Variants in MAP3K13 observed in about 807,000 individuals in gnomAD.
MAP3K13 encodes the protein leucine zipper-bearing kinase.
MAP3K13 carries 52 observed loss-of-function variants against 104.0 expected under a neutral mutation model. That is an observed-to-expected ratio of 0.50 (90% CI 0.40 to 0.63). The LOEUF (loss-of-function observed/expected upper bound fraction) is 0.63. Ranked by LOEUF, MAP3K13 falls within the 20% of genes least tolerant of loss-of-function variation. MAP3K13 has a pLI of 0.00. For missense variants in MAP3K13, 914 were observed against 1,218.5 expected, an observed-to-expected ratio of 0.75 and a Z score of 3.72; for synonymous variants, 394 against 442.2, an observed-to-expected ratio of 0.89 and a Z score of 1.37.
At position 185,453,800 on chromosome 3, in the gene MAP3K13, T is replaced by TATATATATATGATACATATATATGAG. The variant is rs1409173075; in HGVS notation, c.1278+2416_1278+2441dup. ...AAAAAAATTATATATATATATGAGA[T>TATATATATATGATACATATATATGAG]ATATATATATGATACATATATATGA... On this transcript the variant is annotated intron_variant, in intron 7 of 13. Transcript: ENST00000265026. Among the ~76,000 whole-genome samples, 2 of 48,634 alleles carry TATATATATATGATACATATATATGAG rather than the reference T, an allele frequency of 4.1e-5. 1 individual carries two copies. Among genetic ancestry groups the TATATATATATGATACATATATATGAG allele is most frequent in the African/African-American group, 1.1e-4 (2 of 18,792 alleles). 31.9% of individuals were successfully genotyped at this position (48,634 alleles called of 152,430 possible).
chr3:185,374,535 C>T (rs569739222), intron 1 of MAP3K13, among the ~76,000 whole-genome samples: 14 of 152,022 alleles, frequency 9.2e-5, no homozygotes, highest in South Asian at 2.1e-4. Context: ...ATACGAGGTC[C>T]GAATAAGAGA....
chr3:185,435,760 A>G (rs1394003142), intron 2 of MAP3K13, among the ~76,000 whole-genome samples: 1 of 152,230 alleles, frequency 6.6e-6, no homozygotes, highest in Non-Finnish European at 1.5e-5. Context: ...AAAACATTTT[A>G]TTAAGAATCT....
In MAP3K13 at chr3:185,488,073, C is replaced by G. The variant is rs1718805446; in HGVS notation, c.*5617C>G. On this transcript the variant is annotated 3_prime_UTR_variant, in exon 14 of 14. Transcript: ENST00000265026. ...CCATTCCAAAATGTCTCTTCATTCA[C>G]ATCATTTAATTCTGTTGAATGAATA... 1 of 152,236 alleles carries G rather than the reference C, an allele frequency of 6.6e-6. No individual in the cohort carries two copies. The highest frequency in any genetic ancestry group is 2.1e-4 in the South Asian group (1 of 4,832). 9.4% of individuals were successfully genotyped at this position (152,236 alleles called of 1,614,324 possible). A position where few individuals can be genotyped will look rare whatever the true frequency, so the allele number is the denominator to read the frequency against.
chr3:185,346,991 T>G (rs1339490388), intron 2 of MAP3K13, among the ~76,000 whole-genome samples: 4 of 150,456 alleles, frequency 2.7e-5, no homozygotes, highest in Admixed American at 2.0e-4. Context: ...AAGGAAGTTT[T>G]TTTTTTTTTT....
intron 2 of MAP3K13, among the ~76,000 whole-genome samples, chr3:185,319,921 A>G (rs1051268222): frequency 6.6e-5 from 10 of 152,186 alleles, no homozygotes; most frequent in African/African-American, 2.4e-4. Context: ...GTTGTTATTA[A>G]TTGTGAAAGC....
At chr3:185,459,628 T>G (rs925017711) in intron 7 of MAP3K13, among the ~76,000 whole-genome samples, 1 of 151,998 alleles carries the variant, frequency 6.6e-6, no homozygotes, top group Non-Finnish European at 1.5e-5. Context: ...TTTTGTATTT[T>G]TAGTAAAGAT....
chr3:185,335,660 G>T (rs1177513632), intron 2 of MAP3K13, among the ~76,000 whole-genome samples: 1 of 152,080 alleles, frequency 6.6e-6, no homozygotes, highest in African/African-American at 2.4e-5. Context: ...TGTAACCTAT[G>T]CACATCCTCT....
chr3:185,353,418 T>A (rs1171226428), intron 2 of MAP3K13, among the ~76,000 whole-genome samples: 1 of 152,238 alleles, frequency 6.6e-6, no homozygotes, highest in Non-Finnish European at 1.5e-5. Context: ...TTGCCTTATT[T>A]GAACATGGTT....
rs559918166 is a variant in MAP3K13 at position 185,293,127 on chromosome 3, C to CT, written c.-86+7492dup. Reference sequence around the variant, plus strand: ...TCTTTTCCTTTTCCTTTTTCTTTTTCTTTTTTTTGAGACAGAGTCTGGCTC... The same window carrying CT: ...TCTTTTCCTTTTCCTTTTTCTTTTTCTTTTTTTTTGAGACAGAGTCTGGCTC... On this transcript the variant is annotated intron_variant, in intron 2 of 14. Transcript: ENST00000424227. The CT allele has an allele frequency of 2.0e-3, 1,661 of 841,408 alleles. 19 individuals carry two copies. The African/African-American group carries it at 0.027, about 14-fold the overall frequency. 52.1% of individuals were successfully genotyped at this position (841,408 alleles called of 1,614,324 possible). A position where few individuals can be genotyped will look rare whatever the true frequency, so the allele number is the denominator to read the frequency against.
intron 2 of MAP3K13, chr3:185,329,194 G>A (rs889831000): frequency 1.4e-6 from 1 of 702,858 alleles, no homozygotes; most frequent in Non-Finnish European, 2.6e-6. Context: ...CCGTGTGCAC[G>A]AAATGATTTC....
chr3:185,372,819 A>T (rs911184092), intron 1 of MAP3K13, among the ~76,000 whole-genome samples: 4 of 152,224 alleles, frequency 2.6e-5, no homozygotes, highest in Non-Finnish European at 4.4e-5. Flanking sequence ...AAGAGAGATG[A>T]TAAGATAACC....
At chr3:185,474,596 T>C (rs1718002878) in intron 11 of MAP3K13, among the ~76,000 whole-genome samples, 1 of 152,196 alleles carries the variant, frequency 6.6e-6, no homozygotes, top group African/African-American at 2.4e-5. Context: ...TAAATTAACA[T>C]CTATTAATCC....
At position 185,450,210 on chromosome 3, in the gene MAP3K13, G is replaced by A. The variant is rs1446590735; in HGVS notation, c.1169+152G>A. 13 of 547,388 alleles carry A rather than the reference G, an allele frequency of 2.4e-5. No homozygotes were observed. Among genetic ancestry groups the A allele is most frequent in the South Asian group, 1.8e-4 (4 of 22,838 alleles). 33.9% of individuals were successfully genotyped at this position (547,388 alleles called of 1,614,324 possible). A position where few individuals can be genotyped will look rare whatever the true frequency, so the allele number is the denominator to read the frequency against. On this transcript the variant is annotated intron_variant, in intron 6 of 13. Transcript: ENST00000265026. The surrounding 1 kb of genome is among the most constrained non-coding windows in gnomAD (Gnocchi z 4.2). ...TTTCTATCTGTGCAATTTTGGGCAC[G>A]TTATTCAATATCAGTTTTCTCATTT...
intron 2 of MAP3K13, among the ~76,000 whole-genome samples, chr3:185,293,663 G>A (rs1720823139): frequency 2.6e-5 from 4 of 152,126 alleles, no homozygotes; most frequent in African/African-American, 7.2e-5. Context: ...GAGCTCAAGC[G>A]ATCCACCCGC....
At chr3:185,292,870 A>G in intron 2 of MAP3K13, 2 of 983,680 alleles carry the variant, frequency 2.0e-6, no homozygotes, top group Non-Finnish European at 2.4e-6. Flanking sequence ...CAGTTATGGG[A>G]GTTATAGATT....
chr3:185,341,974 C>T (rs775034816), intron 2 of MAP3K13, among the ~76,000 whole-genome samples: 1 of 152,210 alleles, frequency 6.6e-6, no homozygotes, highest in African/African-American at 2.4e-5. Context: ...ATAAGAAGCA[C>T]TGCAGCTTTT....
At chr3:185,349,397 T>G (rs1005906279) in intron 2 of MAP3K13, among the ~76,000 whole-genome samples, 10 of 152,138 alleles carry the variant, frequency 6.6e-5, no homozygotes, top group Admixed American at 5.2e-4. Context: ...ATTCATCCAC[T>G]CAGGATAATG....
intron 1 of MAP3K13, among the ~76,000 whole-genome samples, chr3:185,397,725 A>G (rs750046591): frequency 1.3e-5 from 2 of 151,812 alleles, no homozygotes; most frequent in Non-Finnish European, 2.9e-5. Flanking sequence ...CCCTTATAAT[A>G]TATCTAGGAT....
intron 2 of MAP3K13, chr3:185,291,527 A>G: frequency 8.3e-7 from 1 of 1,208,064 alleles, no homozygotes; most frequent in Non-Finnish European, 1.1e-6. Context: ...CTGATTAATT[A>G]CTGACCCAAA....
Sources: allele counts gnomAD v4.1 joint callset (sites outside exome capture counted in the v4.1 genomes callset), GRCh38; gene constraint gnomAD v4.1.1; non-coding constraint Gnocchi (gnomAD v3.1); transcripts MANE v1.5; gene names NCBI Gene and HGNC (gene_info 2026-07-23, HGNC 2026-07-21).